Variants in PLXNA2 observed in about 807,000 individuals in gnomAD.
PLXNA2 encodes plexin-A2.
A neutral mutation model predicts 193.5 loss-of-function variants in PLXNA2; 91 were observed. The ratio of observed to expected loss-of-function variants is 0.47; its 90% CI spans 0.40 to 0.56. The LOEUF (loss-of-function observed/expected upper bound fraction) is 0.56. Ranked by LOEUF, PLXNA2 falls within the 20% of genes least tolerant of loss-of-function variation. The pLI is 0.00. For synonymous variants in PLXNA2, 997 were observed against 1,027.3 expected (o/e 0.97, Z 0.56); for missense variants, 1,995 against 2,503.2 (o/e 0.80, Z 4.33).
At chr1:208,047,715 G>A (rs1665125021) in intron 17 of PLXNA2, among the ~76,000 whole-genome samples, 1 of 152,194 alleles carries the variant, frequency 6.6e-6, no homozygotes, top group African/African-American at 2.4e-5. Context: ...ACACACACAC[G>A]AGCTTCATGT....
chr1:208,058,304 C>T (rs534605406), intron 13 of PLXNA2, among the ~76,000 whole-genome samples: 58 of 152,322 alleles, frequency 3.8e-4, no homozygotes, highest in African/African-American at 1.3e-3. Context: ...AATCATCCAG[C>T]CCTCCACAGA....
chr1:208,041,601 A>G (rs1664872030), intron 22 of PLXNA2, among the ~76,000 whole-genome samples: 1 of 152,218 alleles, frequency 6.6e-6, no homozygotes, highest in South Asian at 2.1e-4. Flanking sequence ...GCAACCAAGC[A>G]CTTAGAAAGC....
chr1:208,096,232 A>G, intron 7 of PLXNA2, 107 bp from the exon 8 acceptor site: 1 of 834,820 alleles, frequency 1.2e-6, no homozygotes, highest in Non-Finnish European at 2.0e-6. Flanking sequence ...GGGCTCTCTT[A>G]GGATGTAGAT....
At position 208,134,390 on chromosome 1, in the gene PLXNA2, T is replaced by G. The variant is rs6668446; in HGVS notation, c.1506+7939A>C. 2.0e-5 allele frequency among the ~76,000 whole-genome samples: 3 copies of G among 151,720 alleles called. No homozygotes were observed. The East Asian group carries it at 5.8e-4, about 29-fold the overall frequency. ...TGCCTGCACCCACAGCCCCGGGAGG[T>G]GGGAGGCAGGACTCCGCCCTTTCTT... is the stretch of plus-strand genomic sequence containing the variant. On this transcript the variant is annotated intron_variant, in intron 4 of 31. Coordinates refer to ENST00000367033, the MANE Select transcript of PLXNA2 (RefSeq NM_025179.4).
At chr1:208,167,969 G>C (rs1298101571) in intron 3 of PLXNA2, among the ~76,000 whole-genome samples, 1 of 152,188 alleles carries the variant, frequency 6.6e-6, no homozygotes, top group Non-Finnish European at 1.5e-5. Flanking sequence ...ATACTGAGAT[G>C]GGTGACAAAG....
chr1:208,029,751 G>A (rs994241268), intron 29 of PLXNA2: 6 of 985,500 alleles, frequency 6.1e-6, no homozygotes, highest in Non-Finnish European at 7.2e-6. Flanking sequence ...TCTGCAACTC[G>A]GGAATTTATA....
intron 2 of PLXNA2, among the ~76,000 whole-genome samples, chr1:208,212,841 T>C (rs963296874): frequency 6.6e-6 from 1 of 152,246 alleles, no homozygotes; most frequent in Non-Finnish European, 1.5e-5. Flanking sequence ...CTGGCTAAGA[T>C]GAAAGTGATC....
chr1:208,240,607 T>G (rs1672015271), intron 1 of PLXNA2, among the ~76,000 whole-genome samples: 1 of 151,574 alleles, frequency 6.6e-6, no homozygotes, highest in Admixed American at 6.6e-5. Context: ...GGTGGGGCGG[T>G]GGTGATTGGG....
Position 208,028,710 on chromosome 1 carries a change from A to G in PLXNA2, c.5438+120T>C, listed in dbSNP as rs1571837372. On this transcript the variant is annotated intron_variant, in intron 30 of 31. Transcript: ENST00000367033. This position sits in a 1 kb window ranked among gnomAD's most constrained non-coding sequence, Gnocchi z 4.2. ...CAGCAGGGGGTGTGGCAGGGAGGGG[A>G]GTGGGAGGTCCTGAAGAGATGACAG... is the stretch of plus-strand genomic sequence containing the variant. 2.4e-6 allele frequency: 2 copies of G among 832,402 alleles called. No homozygotes were observed. The highest frequency in any genetic ancestry group is 1.8e-5 in the South Asian group (1 of 54,584). The allele number at this position is 832,402 out of a possible 1,614,324, so 51.6% of individuals were successfully genotyped here.
chr1:208,211,388 T>A (rs1444457742), intron 2 of PLXNA2, among the ~76,000 whole-genome samples: 4 of 152,106 alleles, frequency 2.6e-5, no homozygotes, highest in African/African-American at 9.7e-5. Context: ...GAAGATCACC[T>A]TGAGCAAGTG....
At chr1:208,155,819 G>A (rs1255618790) in intron 3 of PLXNA2, among the ~76,000 whole-genome samples, 6 of 152,190 alleles carry the variant, frequency 3.9e-5, no homozygotes, top group Admixed American at 2.0e-4. Context: ...GTGTGCAGGG[G>A]AGCATCACAT....
In PLXNA2 at chr1:208,054,487, T is replaced by C. The variant is rs767180529; in HGVS notation, c.2790A>G (p.Val930=). 3 of 1,614,248 alleles carry C rather than the reference T, an allele frequency of 1.9e-6. No individual in the cohort carries two copies. The highest frequency in any genetic ancestry group is 1.1e-5 in the South Asian group (1 of 91,086). The change falls in exon 14 of 32, where the codon GTA becomes GTG. Residue 930 remains valine (V), a synonymous_variant. Coordinates refer to ENST00000367033, the MANE Select transcript of PLXNA2 (RefSeq NM_025179.4). ...HALVGTTSGP[V]RLCIGECKPE... ...GCTTACACTCGCCAATACACAGGCG[T>C]ACTGGCCCGGAGGTGGTTCCCACGA...
At chr1:208,066,535 A>G (rs1008895740) in intron 12 of PLXNA2, among the ~76,000 whole-genome samples, 3 of 152,270 alleles carry the variant, frequency 2.0e-5, no homozygotes, top group Non-Finnish European at 2.9e-5. Flanking sequence ...CATAAGTCAT[A>G]GGAAAGCCTA....
At chr1:208,075,046 C>T (rs1666103496) in intron 12 of PLXNA2, among the ~76,000 whole-genome samples, 1 of 152,206 alleles carries the variant, frequency 6.6e-6, no homozygotes, top group South Asian at 2.1e-4. Flanking sequence ...CATGGTGGCT[C>T]ATGCCTATAA....
rs1664504355 is a variant in PLXNA2, at chr1:208,031,576, C to A, written c.5225+14G>T. On this transcript the variant is annotated intron_variant, in intron 29 of 31. Transcript: ENST00000367033. ...TCCAGGCTGCACCTCCTGCTGAGCT[C>A]CCCGAGGGTTTACCAGTTGCTTTTC... The A allele has an allele frequency of 6.2e-7, 1 of 1,613,882 alleles. No individual in the cohort carries two copies. Among genetic ancestry groups the A allele is most frequent in the Non-Finnish European group, 8.5e-7 (1 of 1,179,962 alleles).
At chr1:208,077,078 A>T (rs1052406000) in intron 12 of PLXNA2, among the ~76,000 whole-genome samples, 4 of 152,138 alleles carry the variant, frequency 2.6e-5, no homozygotes, top group Non-Finnish European at 5.9e-5. Flanking sequence ...AAAATAATGA[A>T]ATGAAAGAAA....
intron 17 of PLXNA2, among the ~76,000 whole-genome samples, chr1:208,050,616 T>C (rs1162230029): frequency 6.6e-6 from 1 of 152,182 alleles, no homozygotes; most frequent in African/African-American, 2.4e-5. Context: ...GAGGATCACT[T>C]GAGCCCAGGA....
In PLXNA2 at chr1:208,187,210, G is replaced by A. The variant is rs567391830; in HGVS notation, c.1371+23070C>T. ...CTTCTTTATTGTTAGTGACTGTCAT[G>A]AGGATTAAATGAAAGGACCTGGAGA... On this transcript the variant is annotated intron_variant, in intron 3 of 31. Transcript: ENST00000367033. Among the ~76,000 whole-genome samples the A allele has an allele frequency of 3.2e-4, 49 of 152,302 alleles. No individual in the cohort carries two copies. In the Middle Eastern group the frequency reaches 0.014, roughly 42 times the overall value.
intron 12 of PLXNA2, among the ~76,000 whole-genome samples, chr1:208,070,394 C>T (rs534981772): frequency 1.3e-5 from 2 of 152,352 alleles, no homozygotes; most frequent in African/African-American, 4.8e-5. Context: ...AATATCCACA[C>T]TCCCCTCTTG....
Sources: allele counts gnomAD v4.1 joint callset (sites outside exome capture counted in the v4.1 genomes callset), GRCh38; gene constraint gnomAD v4.1.1; non-coding constraint Gnocchi (gnomAD v3.1); transcripts MANE v1.5; gene names NCBI Gene and HGNC (gene_info 2026-07-23, HGNC 2026-07-21).